COLGALT2: variants seen among roughly 807,000 people sequenced by gnomAD.
The protein encoded by COLGALT2 is procollagen galactosyltransferase 2.
A neutral mutation model predicts 73.4 loss-of-function variants in COLGALT2; 49 were observed. The observed-to-expected ratio is 0.67, with a 90% CI of 0.53 to 0.85. COLGALT2 has a LOEUF of 0.85. COLGALT2 is among the 40% of genes least tolerant of loss of function. The pLI, the probability that COLGALT2 is intolerant of heterozygous loss-of-function variation, is 0.00. For synonymous variants in COLGALT2, 295 were observed against 307.6 expected, an observed-to-expected ratio of 0.96 and a Z score of 0.43; for missense variants, 722 against 790.2, an observed-to-expected ratio of 0.91 and a Z score of 1.03.
At chr1:184,030,068 G>A (rs147809026) in intron 1 of COLGALT2, among the ~76,000 whole-genome samples, 14 of 152,284 alleles carry the variant, frequency 9.2e-5, no homozygotes, top group Non-Finnish European at 1.3e-4. Context: ...TACTTTTTGT[G>A]ATATTCCCAA....
At position 183,936,883 on chromosome 1, in the gene COLGALT2, C is replaced by A. The variant is rs745872915; in HGVS notation, c.*1878G>T. ...ACCCACAGTGAGTCGGGAAGGAAGG[C>A]CGAGGCTGGCGTCTGGTGGAAGGCA... On this transcript the variant is annotated 3_prime_UTR_variant, in exon 12 of 12. Transcript: ENST00000361927. The A allele has an allele frequency of 8.9e-6, 11 of 1,231,766 alleles. No homozygotes were observed. Among genetic ancestry groups the A allele is most frequent in the Non-Finnish European group, 1.1e-5 (11 of 988,042 alleles). The allele number at this position is 1,231,766 out of a possible 1,614,324, so 76.3% of individuals were successfully genotyped here. A position where few individuals can be genotyped will look rare whatever the true frequency, so the allele number is the denominator to read the frequency against.
chr1:184,007,876 A>G (rs184905606), intron 1 of COLGALT2, among the ~76,000 whole-genome samples: 2 of 152,358 alleles, frequency 1.3e-5, no homozygotes, highest in African/African-American at 4.8e-5. Flanking sequence ...CAGAACTATT[A>G]AAGTAGAATA....
intron 1 of COLGALT2, among the ~76,000 whole-genome samples, chr1:183,997,337 T>C (rs2102835433): frequency 6.6e-6 from 1 of 152,344 alleles, no homozygotes; most frequent in Admixed American, 6.5e-5. Flanking sequence ...CCCTTGTACA[T>C]ACCACCTAGC....
Position 183,936,827 on chromosome 1 carries a change from C to T in COLGALT2, c.*1934G>A, listed in dbSNP as rs981637349. The T allele has an allele frequency of 8.9e-6, 11 of 1,231,558 alleles. No homozygotes were observed. The highest frequency in any genetic ancestry group is 7.8e-5 in the African/African-American group (5 of 64,394). 76.3% of individuals were successfully genotyped at this position (1,231,558 alleles called of 1,614,324 possible). A position where few individuals can be genotyped will look rare whatever the true frequency, so the allele number is the denominator to read the frequency against. On this transcript the variant is annotated 3_prime_UTR_variant, in exon 12 of 12. Transcript: ENST00000361927. ...GTTGGGTGAGTTCCCTTTCCTCCAG[C>T]GGCCTAGCTTGCTGGTCAGTGTAGA...
intron 1 of COLGALT2, among the ~76,000 whole-genome samples, chr1:183,982,255 GC>G (rs1355451972): frequency 6.6e-6 from 1 of 152,164 alleles, no homozygotes; most frequent in Non-Finnish European, 1.5e-5. Context: ...GGTAGGAGGA[GC>G]CCTTAGCAAC....
rs927464715 is a variant in COLGALT2 at position 184,037,201 on chromosome 1, G to A, written c.157C>T (p.Pro53Ser). Residue 53 changes from proline (P) to serine (S), a missense_variant, in exon 1 of 12, where the codon CCC becomes TCC. Transcript: ENST00000361927. ...GCGAGGACCGCCACGAGCACCGTGG[G>A]GCTCTGCAGGGGCGACTCCGGGAAA... ...VVFPESPLQS[P>S]TVLVAVLARN... 2 of 1,604,462 alleles carry A rather than the reference G, an allele frequency of 1.2e-6. No individual in the cohort carries two copies. The highest frequency in any genetic ancestry group is 1.7e-6 in the Non-Finnish European group (2 of 1,177,020).
In COLGALT2 at chr1:183,937,873, C is replaced by T. The variant is rs935263661; in HGVS notation, c.*888G>A. The T allele has an allele frequency of 1.1e-5, 11 of 985,310 alleles. No homozygotes were observed. The African/African-American group carries it at 1.7e-4, about 16-fold the overall frequency. The allele number at this position is 985,310 out of a possible 1,614,324, so 61.0% of individuals were successfully genotyped here. ...AGAACTCACACCTGCGGTGGGTTCC[C>T]AGGCTAAGGGGTGGAGCGGAGAGCG... On this transcript the variant is annotated 3_prime_UTR_variant, in exon 12 of 12. Transcript: ENST00000361927.
intron 1 of COLGALT2, among the ~76,000 whole-genome samples, chr1:184,012,609 C>T (rs1048112323): frequency 6.6e-6 from 1 of 152,116 alleles, no homozygotes; most frequent in Non-Finnish European, 1.5e-5. Context: ...AAAATTCATC[C>T]TCACTGTGCA....
At chr1:184,023,020 C>T (rs763816127) in intron 1 of COLGALT2, among the ~76,000 whole-genome samples, 6 of 152,128 alleles carry the variant, frequency 3.9e-5, no homozygotes, top group African/African-American at 1.2e-4. Flanking sequence ...AGTATTTTCT[C>T]GAGATAATTC....
intron 9 of COLGALT2, among the ~76,000 whole-genome samples, 162 bp from the exon 10 acceptor site, chr1:183,944,485 A>G (rs1670197559): frequency 6.6e-6 from 1 of 152,246 alleles, no homozygotes; most frequent in African/African-American, 2.4e-5. Context: ...ACTTTGGAAT[A>G]TTCACAGCAG....
At chr1:183,962,098 A>G (rs752621198) in intron 6 of COLGALT2, among the ~76,000 whole-genome samples, 1 of 151,366 alleles carries the variant, frequency 6.6e-6, no homozygotes, top group African/African-American at 2.4e-5. Flanking sequence ...AGACAACTCA[A>G]TGGATCTAAA....
chr1:184,013,352 T>C (rs1271036558), intron 1 of COLGALT2, among the ~76,000 whole-genome samples: 1 of 152,118 alleles, frequency 6.6e-6, no homozygotes, highest in African/African-American at 2.4e-5. Flanking sequence ...TGTGGGAGAT[T>C]CGGTAAAGCA....
chr1:183,933,449 T>A (rs1669885521), downstream of COLGALT2, among the ~76,000 whole-genome samples: 1 of 152,142 alleles, frequency 6.6e-6, no homozygotes, highest in South Asian at 2.1e-4. Context: ...AACAATATCA[T>A]CCCCTTCAAG....
At chr1:183,955,997 G>A (rs993244746) in intron 6 of COLGALT2, among the ~76,000 whole-genome samples, 4 of 152,160 alleles carry the variant, frequency 2.6e-5, no homozygotes, top group South Asian at 2.1e-4. Flanking sequence ...TGCTCATAGC[G>A]GCATGTGTGG....
chr1:183,971,305 G>C (rs1241476590), intron 4 of COLGALT2, among the ~76,000 whole-genome samples: 5 of 152,134 alleles, frequency 3.3e-5, no homozygotes, highest in Non-Finnish European at 5.9e-5. Flanking sequence ...AACTGGGATG[G>C]TAGAAAGCCA....
At chr1:183,943,958 G>A (rs1670181889) in intron 10 of COLGALT2, among the ~76,000 whole-genome samples, 1 of 152,186 alleles carries the variant, frequency 6.6e-6, no homozygotes, top group Non-Finnish European at 1.5e-5. Flanking sequence ...CTGATCTGCA[G>A]GCCGACTCCA....
rs550031619 is a variant in COLGALT2 at position 184,036,233 on chromosome 1, G to A, written c.263+862C>T. 4.6e-5 allele frequency among the ~76,000 whole-genome samples: 7 copies of A among 152,198 alleles called. No individual in the cohort carries two copies. In the East Asian group the frequency reaches 1.4e-3, roughly 29 times the overall value. On this transcript the variant is annotated intron_variant, in intron 1 of 11. Transcript: ENST00000361927. ...GGCCACCAACTAACTTCTCGCCCTC[G>A]GATCCTCGCGTTTATAAAAGGTGCG...
chr1:184,006,130 T>C (rs970026581), intron 1 of COLGALT2, among the ~76,000 whole-genome samples: 6 of 152,238 alleles, frequency 3.9e-5, no homozygotes, highest in African/African-American at 1.4e-4. Context: ...CTTGTTCATA[T>C]AATTTCAAGA....
intron 8 of COLGALT2, chr1:183,946,672 T>G (rs1670257757): frequency 6.6e-6 from 1 of 152,190 alleles, no homozygotes; most frequent in Non-Finnish European, 1.5e-5. Context: ...TATGCTAATA[T>G]TGGGCAAAAT....
Sources: allele counts gnomAD v4.1 joint callset (sites outside exome capture counted in the v4.1 genomes callset), GRCh38; gene constraint gnomAD v4.1.1; transcripts MANE v1.5; gene names NCBI Gene and HGNC (gene_info 2026-07-23, HGNC 2026-07-21).